The following LITAF variants were observed in gnomAD, a reference collection of about 807,000 sequenced individuals.
The protein encoded by LITAF is lipopolysaccharide-induced tumor necrosis factor-alpha factor.
LITAF carries 9 observed loss-of-function variants against 14.5 expected under a neutral mutation model. The observed-to-expected ratio is 0.62, with a 90% confidence interval of 0.37 to 1.08. The LOEUF (loss-of-function observed/expected upper bound fraction) is 1.08. Ranked by LOEUF, LITAF falls within the 50% of genes least tolerant of loss-of-function variation. The probability of loss-of-function intolerance (pLI) is 0.01; values close to 1 mark genes in which losing one functional copy is unlikely to be tolerated. For missense variants in LITAF, 206 were observed against 213.4 expected (o/e 0.97, Z 0.22); for synonymous variants, 98 against 88.2 (o/e 1.11, Z -0.62).
intron 1 of LITAF, among the ~76,000 whole-genome samples, chr16:11,580,158 G>T (rs1356845559): frequency 1.3e-5 from 2 of 152,124 alleles, no homozygotes; most frequent in Non-Finnish European, 2.9e-5. Flanking sequence ...CTGAAAAAAA[G>T]ATCCAAAATC....
Position 11,548,385 on chromosome 16 carries a change from T to G in LITAF, c.*1252A>C, listed in dbSNP as rs546029779. ...TGTCTCTGAAAACTAAAATCAGACT[T>G]TAGATTCCTCTGAAACAGTTCTGGT... On this transcript the variant is annotated 3_prime_UTR_variant, in exon 4 of 4. Transcript: ENST00000622633. 2.2e-6 allele frequency: 1 copy of G among 454,004 alleles called. No homozygotes were observed. The highest frequency in any genetic ancestry group is 2.0e-5 in the African/African-American group (1 of 50,078). 28.1% of individuals were successfully genotyped at this position (454,004 alleles called of 1,614,324 possible).
chr16:11,585,005 C>T (rs997244331), intron 1 of LITAF, among the ~76,000 whole-genome samples: 3 of 152,058 alleles, frequency 2.0e-5, no homozygotes, highest in Admixed American at 6.6e-5. Flanking sequence ...GTCAGAAGTT[C>T]GAAAACAGCC....
intron 1 of LITAF, among the ~76,000 whole-genome samples, chr16:11,579,659 G>T (rs1484430568): frequency 6.6e-6 from 1 of 152,240 alleles, no homozygotes; most frequent in East Asian, 1.9e-4. Flanking sequence ...CAGTTTCTTG[G>T]TTTGACAAAC....
Position 11,605,226 on chromosome 16 carries a change from CG to C in LITAF, c.85+28306del, listed in dbSNP as rs1262961849. Among the ~76,000 whole-genome samples, 1 of 152,166 alleles carries C rather than the reference CG, an allele frequency of 6.6e-6. No individual in the cohort carries two copies. The highest frequency in any genetic ancestry group is 2.4e-5 in the African/African-American group (1 of 41,444). On this transcript the variant is annotated intron_variant, in intron 3 of 3. Coordinates refer to the LITAF transcript ENST00000574848. The surrounding 1 kb of genome is among the most constrained non-coding windows in gnomAD (Gnocchi z 4.7). ...TCTGGATGGAGGATGAGCTGAATTA[CG>C]CACCGTGGACTTCACCAGTGGGGCT...
At chr16:11,613,864 TG>T (rs2064999282) in intron 3 of LITAF, among the ~76,000 whole-genome samples, 1 of 152,254 alleles carries the variant, frequency 6.6e-6, no homozygotes, top group African/African-American at 2.4e-5. Flanking sequence ...TGTTGTCAGA[TG>T]ACCGGGCGGG....
upstream of LITAF, among the ~76,000 whole-genome samples, chr16:11,591,693 C>T (rs539650228): frequency 2.6e-4 from 40 of 152,080 alleles, no homozygotes; most frequent in African/African-American, 9.4e-4. Context: ...CAGGTTGGAG[C>T]GCAGTGGCGT....
chr16:11,580,227 A>G (rs1322626614), intron 1 of LITAF, among the ~76,000 whole-genome samples: 2 of 152,174 alleles, frequency 1.3e-5, no homozygotes, highest in African/African-American at 4.8e-5. Context: ...TGTAAAGGAA[A>G]GTGACTATCA....
chr16:11,554,452 G>C (rs2064236769), intron 2 of LITAF, among the ~76,000 whole-genome samples: 1 of 152,114 alleles, frequency 6.6e-6, no homozygotes, highest in South Asian at 2.1e-4. Context: ...GGAAGAAAAA[G>C]CTATGTGAAA....
chr16:11,623,462 C>G (rs1210606556), intron 3 of LITAF, among the ~76,000 whole-genome samples: 3 of 151,036 alleles, frequency 2.0e-5, no homozygotes, highest in Non-Finnish European at 4.4e-5. Context: ...GAGTTCGAAA[C>G]CAGCCCGGCC....
intron 3 of LITAF, among the ~76,000 whole-genome samples, chr16:11,616,691 G>A (rs756732603): frequency 9.9e-5 from 15 of 151,834 alleles, no homozygotes; most frequent in Non-Finnish European, 1.8e-4. Flanking sequence ...ACAGTCAGAT[G>A]ATCATAAACA....
upstream of LITAF, among the ~76,000 whole-genome samples, chr16:11,601,241 C>A (rs2064924451): frequency 1.3e-5 from 2 of 151,860 alleles, no homozygotes; most frequent in Non-Finnish European, 2.9e-5. Context: ...ACAAATAAAA[C>A]CGCCTCCCCT....
intron 3 of LITAF, among the ~76,000 whole-genome samples, chr16:11,604,508 A>G (rs978158740): frequency 2.0e-5 from 3 of 151,946 alleles, no homozygotes; most frequent in African/African-American, 7.3e-5. Context: ...CACAAATGCC[A>G]TCATCAAGAA....
At chr16:11,566,564 G>A (rs1312572663) in intron 1 of LITAF, among the ~76,000 whole-genome samples, 1 of 152,202 alleles carries the variant, frequency 6.6e-6, no homozygotes, top group African/African-American at 2.4e-5. Context: ...AGAAGTTCGA[G>A]ACCGGCCCGG....
upstream of LITAF, among the ~76,000 whole-genome samples, chr16:11,590,872 A>G (rs539944785): frequency 1.7e-5 from 2 of 117,338 alleles, 1 homozygote; most frequent in South Asian, 5.2e-4. Context: ...AGCTGGGACT[A>G]CAGGTGTGCA....
At chr16:11,555,215 G>C (rs909109264) in intron 2 of LITAF, among the ~76,000 whole-genome samples, 1 of 152,100 alleles carries the variant, frequency 6.6e-6, no homozygotes, top group Non-Finnish European at 1.5e-5. Context: ...TTTTCATAGA[G>C]ACAATGTCTC....
Position 11,553,989 on chromosome 16 carries a change from G to A in LITAF, c.221-300C>T, listed in dbSNP as rs2064226647. The stretch of plus-strand genomic sequence containing the variant: ...CTCATGCCTGTAATCCCAACACTTT[G>A]GGAGGCCGAGGTGGGAGGACTGCTT... On this transcript the variant is annotated intron_variant, in intron 2 of 3. Coordinates refer to ENST00000622633, the MANE Select transcript of LITAF (RefSeq NM_001136472.2). This position sits in a 1 kb window ranked among gnomAD's most constrained non-coding sequence, Gnocchi z 7.7. Among the ~76,000 whole-genome samples the A allele has an allele frequency of 6.6e-6, 1 of 152,104 alleles. No homozygotes were observed. Among genetic ancestry groups the A allele is most frequent in the Non-Finnish European group, 1.5e-5 (1 of 68,022 alleles).
chr16:11,581,548 G>C (rs1407702802), intron 1 of LITAF, among the ~76,000 whole-genome samples: 2 of 152,120 alleles, frequency 1.3e-5, no homozygotes, highest in African/African-American at 4.8e-5. Flanking sequence ...TCGAGAGGGA[G>C]GTTGAGGCTG....
upstream of LITAF, among the ~76,000 whole-genome samples, chr16:11,599,862 C>T (rs1231173061): frequency 6.6e-6 from 1 of 152,132 alleles, no homozygotes; most frequent in Non-Finnish European, 1.5e-5. Flanking sequence ...ATCTATGTGG[C>T]CTGCTCCTTC....
upstream of LITAF, among the ~76,000 whole-genome samples, chr16:11,590,117 A>AC (rs1245211614): frequency 3.8e-5 from 3 of 78,368 alleles, no homozygotes; most frequent in East Asian, 6.7e-4. Context: ...ACATAGCGAG[A>AC]CCCCATCTCT....
Sources: allele counts gnomAD v4.1 joint callset (sites outside exome capture counted in the v4.1 genomes callset), GRCh38; gene constraint gnomAD v4.1.1; non-coding constraint Gnocchi (gnomAD v3.1); transcripts MANE v1.5; gene names NCBI Gene and HGNC (gene_info 2026-07-23, HGNC 2026-07-21).